The following KHDRBS2 variants were observed in gnomAD, a reference collection of about 807,000 sequenced individuals.
KHDRBS2 encodes the protein KH RNA binding domain containing, signal transduction associated 2.
A neutral mutation model predicts 44.3 loss-of-function variants in KHDRBS2; 26 were observed. The observed-to-expected ratio is 0.59, with a 90% CI of 0.43 to 0.81. The LOEUF (loss-of-function observed/expected upper bound fraction) is 0.81, where lower values mean the gene tolerates loss of function less well. Ranked by LOEUF, KHDRBS2 falls within the 40% of genes least tolerant of loss-of-function variation. KHDRBS2 has a pLI of 0.00. For missense variants in KHDRBS2, 476 were observed against 433.1 expected, an observed-to-expected ratio of 1.10 and a Z score of -0.88; for synonymous variants, 194 against 151.1, an observed-to-expected ratio of 1.28 and a Z score of -2.08.
At chr6:61,751,169 C>G (rs192036309) in intron 6 of KHDRBS2, among the ~76,000 whole-genome samples, 6 of 152,244 alleles carry the variant, frequency 3.9e-5, no homozygotes, top group Admixed American at 3.9e-4. Context: ...TCTAAAGGAA[C>G]AGTGGCTCAA....
intron 1 of KHDRBS2, among the ~76,000 whole-genome samples, chr6:62,209,922 A>G (rs1585216386): frequency 6.6e-6 from 1 of 152,178 alleles, no homozygotes; most frequent in Admixed American, 6.5e-5. Flanking sequence ...AGGCTGCACT[A>G]TTGGCTTCCC....
chr6:62,020,103 T>C (rs1229474208), intron 3 of KHDRBS2, among the ~76,000 whole-genome samples: 1 of 152,038 alleles, frequency 6.6e-6, no homozygotes, highest in Non-Finnish European at 1.5e-5. Context: ...TATTGTATTC[T>C]GATATGTTAT....
intron 1 of KHDRBS2, among the ~76,000 whole-genome samples, chr6:62,184,974 T>C (rs1046654472): frequency 6.6e-6 from 1 of 151,906 alleles, no homozygotes; most frequent in African/African-American, 2.4e-5. Context: ...TTTGCGGTTT[T>C]TGGAGTTAAA....
chr6:61,651,501 G>A, the KHDRBS2 span, among the ~76,000 whole-genome samples: 2 of 151,938 alleles, frequency 1.3e-5, no homozygotes, highest in South Asian at 4.2e-4. Context: ...TTCCTCTTGT[G>A]GCATTATATG....
At chr6:62,218,623 G>A (rs1430851543) in intron 1 of KHDRBS2, among the ~76,000 whole-genome samples, 1 of 151,760 alleles carries the variant, frequency 6.6e-6, no homozygotes, top group African/African-American at 2.4e-5. Context: ...AGAATTTCCA[G>A]AAAATAAATA....
intron 1 of KHDRBS2, among the ~76,000 whole-genome samples, chr6:62,198,597 C>A (rs540453950): frequency 6.6e-6 from 1 of 151,886 alleles, no homozygotes; most frequent in Non-Finnish European, 1.5e-5. Flanking sequence ...ATAATTAATA[C>A]CTTACCAACC....
chr6:61,594,384 A>T, the KHDRBS2 span, among the ~76,000 whole-genome samples: 48 of 152,228 alleles, frequency 3.2e-4, no homozygotes, highest in East Asian at 9.1e-3. Flanking sequence ...ACCTAGTCCA[A>T]TTGTATGATC....
the KHDRBS2 span, among the ~76,000 whole-genome samples, chr6:61,628,641 C>T: frequency 6.6e-6 from 1 of 152,190 alleles, no homozygotes; most frequent in African/African-American, 2.4e-5. Flanking sequence ...TCCCTTTGTA[C>T]TAAGTTCCAT....
Position 61,955,632 on chromosome 6 carries a change from G to A in KHDRBS2, c.483+22434C>T, listed in dbSNP as rs1458956618. ...CACGTATGTATGTATGCATACATGTGTATATACACGTATGTATGTATGCAT... is the reference window on the plus strand; with the variant it reads ...CACGTATGTATGTATGCATACATGTATATATACACGTATGTATGTATGCAT... On this transcript the variant is annotated intron_variant, in intron 4 of 8. Transcript: ENST00000281156. Among the ~76,000 whole-genome samples the A allele has an allele frequency of 3.8e-5, 4 of 106,236 alleles. 1 individual carries two copies. Among genetic ancestry groups the A allele is most frequent in the African/African-American group, 6.2e-5 (2 of 32,232 alleles). The allele number at this position is 106,236 out of a possible 152,430, so 69.7% of individuals were successfully genotyped here.
At chr6:62,046,357 T>C (rs1787688345) in intron 3 of KHDRBS2, among the ~76,000 whole-genome samples, 1 of 152,002 alleles carries the variant, frequency 6.6e-6, no homozygotes, top group African/African-American at 2.4e-5. Flanking sequence ...ATGTAGATTC[T>C]GCATGTGCAA....
chr6:61,559,240 C>T, the KHDRBS2 span, among the ~76,000 whole-genome samples: 4,013 of 152,126 alleles, frequency 0.026, 172 homozygotes, highest in African/African-American at 0.091. Flanking sequence ...GAAACTCCTG[C>T]TCTTTCTGGG....
At chr6:61,799,132 C>G (rs1018088097) in intron 6 of KHDRBS2, among the ~76,000 whole-genome samples, 1 of 151,992 alleles carries the variant, frequency 6.6e-6, no homozygotes, top group Admixed American at 6.6e-5. Context: ...TGCTGCAGTT[C>G]TTTGTCCCCA....
chr6:62,159,294 G>A (rs55709312), intron 2 of KHDRBS2, among the ~76,000 whole-genome samples: 1,607 of 152,226 alleles, frequency 0.011, 34 homozygotes, highest in African/African-American at 0.036. Context: ...TTACAGTTGA[G>A]TAAAATTTGC....
At chr6:62,224,538 T>C (rs1423573858) in intron 1 of KHDRBS2, among the ~76,000 whole-genome samples, 2 of 152,202 alleles carry the variant, frequency 1.3e-5, no homozygotes, top group East Asian at 3.8e-4. Flanking sequence ...TATGTAGGAC[T>C]TAACTGAGAA....
chr6:62,017,727 A>T lies in KHDRBS2; in HGVS notation c.336+30151T>A, dbSNP rs540202626. Among the ~76,000 whole-genome samples, 320 of 152,234 alleles carry T rather than the reference A, an allele frequency of 2.1e-3. 1 individual carries two copies. The highest frequency in any genetic ancestry group is 7.2e-3 in the African/African-American group (300 of 41,566). On this transcript the variant is annotated intron_variant, in intron 3 of 8. Coordinates refer to ENST00000281156, the MANE Select transcript of KHDRBS2 (RefSeq NM_152688.4). ...GAGATCTAGAGCTAAACTGCTCTAA[A>T]CTTAATTTAGAACTGTAATTTTGGA...
chr6:61,908,786 T>C (rs1805524336), intron 4 of KHDRBS2, among the ~76,000 whole-genome samples: 1 of 152,174 alleles, frequency 6.6e-6, no homozygotes, highest in South Asian at 2.1e-4. Flanking sequence ...AAATGTAAGT[T>C]ATATCTAGGG....
rs554854402 is a variant in KHDRBS2 at position 61,707,282 on chromosome 6, T to G, written c.894-10029A>C. On this transcript the variant is annotated intron_variant, in intron 7 of 8. Coordinates refer to ENST00000281156, the MANE Select transcript of KHDRBS2 (RefSeq NM_152688.4). ...GTGGGGGATCAAGGATTCTACTCCA[T>G]GTCCACCCCTAAGTGCAGTCTTTCC... 1.4e-4 allele frequency among the ~76,000 whole-genome samples: 22 copies of G among 151,908 alleles called. No individual in the cohort carries two copies. In the East Asian group the frequency reaches 3.9e-3, roughly 27 times the overall value.
At chr6:61,914,276 T>C (rs1806577535) in intron 4 of KHDRBS2, among the ~76,000 whole-genome samples, 2 of 152,074 alleles carry the variant, frequency 1.3e-5, no homozygotes, top group Non-Finnish European at 2.9e-5. Context: ...GTCTTCCAAA[T>C]TTTTGGTTTG....
intron 6 of KHDRBS2, among the ~76,000 whole-genome samples, chr6:61,787,490 T>C (rs1784004011): frequency 6.6e-6 from 1 of 151,776 alleles, no homozygotes. Context: ...GTGGAGTAAT[T>C]TTCTTTAGAA....
Sources: gnomAD v4.1 joint callset for allele counts (sites outside exome capture counted in the v4.1 genomes callset) on GRCh38, gnomAD v4.1.1 for gene constraint, MANE v1.5 for transcripts, NCBI Gene and HGNC (gene_info 2026-07-23, HGNC 2026-07-21) for gene names.